Variants in ARHGAP42 observed in about 807,000 individuals in gnomAD.
ARHGAP42 encodes the protein rho GTPase-activating protein 42.
In ARHGAP42, 63 loss-of-function variants were observed where a neutral mutation model predicts 125.0. That is an observed-to-expected ratio of 0.50 (90% confidence interval 0.41 to 0.62). ARHGAP42 has a LOEUF of 0.62. Ranked by LOEUF, ARHGAP42 falls within the 20% of genes least tolerant of loss-of-function variation. The pLI is 0.00. For synonymous variants in ARHGAP42, 339 were observed against 351.0 expected (o/e 0.97, Z 0.38); for missense variants, 766 against 1,024.2 (o/e 0.75, Z 3.44).
chr11:100,837,663 ATCCTTTTT>A (rs755954420), intron 3 of ARHGAP42, among the ~76,000 whole-genome samples: 6,389 of 35,150 alleles, frequency 0.18, 343 homozygotes, highest in African/African-American at 0.27. Flanking sequence ...TCTAGGTGTC[ATCCTTTTT>A]TTTTTTTTTT....
chr11:100,844,753 C>A (rs1865022619), intron 3 of ARHGAP42, among the ~76,000 whole-genome samples: 1 of 145,552 alleles, frequency 6.9e-6, no homozygotes, highest in African/African-American at 2.8e-5. Flanking sequence ...ATATCACCTT[C>A]TGCAAGAATG....
intron 1 of ARHGAP42, among the ~76,000 whole-genome samples, chr11:100,717,719 A>T (rs1861690057): frequency 6.6e-6 from 1 of 151,458 alleles, no homozygotes; most frequent in South Asian, 2.1e-4. Context: ...AGAGGTCAGG[A>T]GTTCGAGACC....
At chr11:100,752,840 A>G (rs1264573340) in intron 1 of ARHGAP42, among the ~76,000 whole-genome samples, 1 of 152,246 alleles carries the variant, frequency 6.6e-6, no homozygotes, top group Non-Finnish European at 1.5e-5. Context: ...TAGCTCATGC[A>G]CAAGTTTTCT....
chr11:100,731,718 A>G (rs34025953), intron 1 of ARHGAP42, among the ~76,000 whole-genome samples: 1,916 of 152,230 alleles, frequency 0.013, 21 homozygotes, highest in Admixed American at 0.029. Context: ...TATGACTGAT[A>G]AGAAGAGAAT....
intron 1 of ARHGAP42, among the ~76,000 whole-genome samples, chr11:100,759,428 G>T (rs1467147942): frequency 6.6e-6 from 1 of 152,030 alleles, no homozygotes; most frequent in East Asian, 1.9e-4. Context: ...TAAATACTCT[G>T]AATTCCCACA....
At chr11:100,863,447 C>G (rs1315642470) in intron 4 of ARHGAP42, among the ~76,000 whole-genome samples, 1 of 152,294 alleles carries the variant, frequency 6.6e-6, no homozygotes, top group South Asian at 2.1e-4. Context: ...CCAGATGATA[C>G]TACTTAACTG....
intron 3 of ARHGAP42, among the ~76,000 whole-genome samples, chr11:100,857,455 A>C (rs1865347362): frequency 1.3e-5 from 2 of 152,112 alleles, no homozygotes; most frequent in Non-Finnish European, 2.9e-5. Context: ...TTAGGATATG[A>C]CATCAGCCCA....
At chr11:100,890,679 A>C (rs1674409200) in intron 4 of ARHGAP42, among the ~76,000 whole-genome samples, 1 of 152,216 alleles carries the variant, frequency 6.6e-6, no homozygotes, top group African/African-American at 2.4e-5. Context: ...AAGGCAGATT[A>C]ATGTTTTCAA....
intron 4 of ARHGAP42, among the ~76,000 whole-genome samples, chr11:100,878,355 G>T (rs1458582045): frequency 1.3e-5 from 2 of 151,874 alleles, no homozygotes; most frequent in East Asian, 3.9e-4. Flanking sequence ...TTCCTTTTGG[G>T]TTATATTGAT....
intron 4 of ARHGAP42, among the ~76,000 whole-genome samples, chr11:100,911,562 G>A (rs1014011286): frequency 1.3e-5 from 2 of 152,108 alleles, no homozygotes; most frequent in African/African-American, 4.8e-5. Flanking sequence ...AAAGGATCAT[G>A]GATAGGGAGC....
At chr11:100,857,432 G>T (rs1454384950) in intron 3 of ARHGAP42, among the ~76,000 whole-genome samples, 3 of 152,052 alleles carry the variant, frequency 2.0e-5, no homozygotes, top group Non-Finnish European at 4.4e-5. Context: ...ATGTGAATGT[G>T]AGTGCCAAGG....
intron 1 of ARHGAP42, among the ~76,000 whole-genome samples, chr11:100,741,592 T>C (rs1343859750): frequency 2.6e-5 from 4 of 152,188 alleles, no homozygotes; most frequent in Non-Finnish European, 4.4e-5. Context: ...ATAGTTACTG[T>C]AGTTACTAAG....
At chr11:100,820,248 A>G (rs1405387430) in intron 3 of ARHGAP42, among the ~76,000 whole-genome samples, 1 of 152,174 alleles carries the variant, frequency 6.6e-6, no homozygotes, top group Non-Finnish European at 1.5e-5. Flanking sequence ...ATTATTGGGT[A>G]GTTCTGAAGT....
intron 4 of ARHGAP42, among the ~76,000 whole-genome samples, chr11:100,907,587 C>T (rs975104596): frequency 2.0e-5 from 3 of 152,176 alleles, no homozygotes; most frequent in African/African-American, 7.2e-5. Flanking sequence ...AGAGACACTG[C>T]TGTGCAAGCC....
At chr11:100,809,472 G>A (rs746821558) in intron 3 of ARHGAP42, among the ~76,000 whole-genome samples, 15 of 152,096 alleles carry the variant, frequency 9.9e-5, no homozygotes, top group Admixed American at 6.5e-5. Context: ...AGAAATTTCC[G>A]GTTAACATTG....
chr11:100,895,042 T>A (rs775204152), intron 4 of ARHGAP42, among the ~76,000 whole-genome samples: 3 of 152,178 alleles, frequency 2.0e-5, no homozygotes, highest in Non-Finnish European at 4.4e-5. Context: ...AACCAAATTC[T>A]TACCTATACT....
intron 6 of ARHGAP42, among the ~76,000 whole-genome samples, chr11:100,931,818 A>G (rs916864790): frequency 6.6e-6 from 1 of 152,184 alleles, no homozygotes; most frequent in Non-Finnish European, 1.5e-5. Context: ...TGTTTGTGCC[A>G]TAGTATATGC....
At chr11:100,923,917 A>G (rs1227356257) in intron 6 of ARHGAP42, among the ~76,000 whole-genome samples, 1 of 152,158 alleles carries the variant, frequency 6.6e-6, no homozygotes, top group African/African-American at 2.4e-5. Context: ...GAGAATAGAA[A>G]TGGGATCAAT....
chr11:100,826,557 G>A (rs554469793), intron 3 of ARHGAP42, among the ~76,000 whole-genome samples: 205 of 152,148 alleles, frequency 1.3e-3, no homozygotes, highest in Non-Finnish European at 2.5e-3. Context: ...ATTACATTTA[G>A]GTAAAGTGAA....
Sources: allele counts gnomAD v4.1 joint callset (sites outside exome capture counted in the v4.1 genomes callset), GRCh38; gene constraint gnomAD v4.1.1; transcripts MANE v1.5; gene names NCBI Gene and HGNC (gene_info 2026-07-23, HGNC 2026-07-21).